NPAS2: variants seen among roughly 807,000 people sequenced by gnomAD.
The protein encoded by NPAS2 is neuronal PAS domain protein 2, also known as neuronal PAS domain-containing protein 2.
Under a neutral mutation model 107.5 loss-of-function variants are expected in NPAS2, and 23 were observed. That is an observed-to-expected ratio of 0.21 (90% CI 0.15 to 0.30). The LOEUF (loss-of-function observed/expected upper bound fraction) is 0.30, where lower values mean the gene tolerates loss of function less well. NPAS2 is among the 10% of genes least tolerant of loss of function. The pLI is 1.00. For missense variants in NPAS2, 756 were observed against 1,043.3 expected (o/e 0.72, Z 3.79); for synonymous variants, 403 against 417.5 (o/e 0.97, Z 0.42).
At chr2:100,938,368 T>C (rs1245098191) in intron 5 of NPAS2, among the ~76,000 whole-genome samples, 2 of 152,072 alleles carry the variant, frequency 1.3e-5, no homozygotes, top group African/African-American at 2.4e-5. Flanking sequence ...ACTGATGTCT[T>C]GGAAGACCTT....
At chr2:100,894,541 A>G (rs968111700) in intron 1 of NPAS2, among the ~76,000 whole-genome samples, 4 of 152,192 alleles carry the variant, frequency 2.6e-5, no homozygotes, top group African/African-American at 9.7e-5. Flanking sequence ...AGCCGCGGGC[A>G]CACAGGCTCA....
At chr2:100,963,386 TTTTG>T (rs1558916296) in intron 7 of NPAS2, among the ~76,000 whole-genome samples, 1 of 151,538 alleles carries the variant, frequency 6.6e-6, no homozygotes, top group African/African-American at 2.4e-5. Flanking sequence ...CTTCTCTTTT[TTTTG>T]TTTGTTTTGT....
chr2:100,896,742 G>A (rs17024936), intron 1 of NPAS2, among the ~76,000 whole-genome samples: 8,315 of 152,262 alleles, frequency 0.055, 734 homozygotes, highest in African/African-American at 0.19. Context: ...ATCATGGGGA[G>A]GTTTGTGGGA....
At chr2:100,924,111 A>G (rs1683412647) in intron 2 of NPAS2, among the ~76,000 whole-genome samples, 1 of 152,162 alleles carries the variant, frequency 6.6e-6, no homozygotes, top group African/African-American at 2.4e-5. Context: ...TTTTAGGCTC[A>G]CAGACAAACT....
chr2:100,938,079 G>A (rs1684450253), intron 5 of NPAS2, among the ~76,000 whole-genome samples: 1 of 152,234 alleles, frequency 6.6e-6, no homozygotes, highest in South Asian at 2.1e-4. Context: ...AAGGCCTGGA[G>A]TGGGAGCTGT....
intron 20 of NPAS2, chr2:100,993,732 G>A (rs1345849079): frequency 1.4e-5 from 6 of 438,450 alleles, no homozygotes; most frequent in African/African-American, 2.0e-5. Context: ...ATGAAATTAC[G>A]AGTCGGCTAT....
rs375990137 is a variant in NPAS2 at position 100,956,363 on chromosome 2, C to G, written c.598+6883C>G. Among the ~76,000 whole-genome samples, 6 of 152,242 alleles carry G rather than the reference C, an allele frequency of 3.9e-5. No homozygotes were observed. In the South Asian group the frequency reaches 8.3e-4, roughly 21 times the overall value. On this transcript the variant is annotated intron_variant, in intron 7 of 20. Transcript: ENST00000335681. ...CTCAGCCTTCACCCCCTCCTTCCTT[C>G]CTCCCTCCAGCCTCCAGCAGCCCCC...
chr2:100,868,240 T>C (rs1679369446), intron 1 of NPAS2, among the ~76,000 whole-genome samples: 1 of 152,240 alleles, frequency 6.6e-6, no homozygotes, highest in Non-Finnish European at 1.5e-5. Context: ...TTATCAATTG[T>C]TGAAAGATAG....
chr2:100,937,634 G>A (rs1684410855), intron 4 of NPAS2, 119 bp from the exon 5 acceptor site: 2 of 776,902 alleles, frequency 2.6e-6, no homozygotes, highest in East Asian at 2.5e-5. Context: ...GTTATTCATG[G>A]AAATATTCTG....
intron 1 of NPAS2, chr2:100,821,142 C>G (rs1372969748): frequency 7.7e-7 from 1 of 1,304,648 alleles, no homozygotes; most frequent in African/African-American, 1.5e-5. Context: ...ACAGGCACCA[C>G]CCGGCTAAAT....
chr2:100,822,019 GA>G (rs761144955), intron 1 of NPAS2, among the ~76,000 whole-genome samples: 1 of 152,190 alleles, frequency 6.6e-6, no homozygotes, highest in African/African-American at 2.4e-5. Flanking sequence ...GAGAGATGTG[GA>G]GTATGGCTTA....
intron 1 of NPAS2, among the ~76,000 whole-genome samples, chr2:100,877,743 C>A (rs961765035): frequency 6.6e-6 from 1 of 152,114 alleles, no homozygotes; most frequent in Non-Finnish European, 1.5e-5. Flanking sequence ...TTGAATATGG[C>A]GTGACTCATC....
intron 1 of NPAS2, among the ~76,000 whole-genome samples, chr2:100,853,194 G>T (rs149083485): frequency 1.3e-5 from 2 of 152,272 alleles, no homozygotes; most frequent in African/African-American, 4.8e-5. Flanking sequence ...ACACCAGAAG[G>T]CTCCTCTCAG....
intron 1 of NPAS2, among the ~76,000 whole-genome samples, chr2:100,829,119 G>A (rs1041091470): frequency 2.0e-5 from 3 of 151,200 alleles, no homozygotes; most frequent in African/African-American, 7.3e-5. Flanking sequence ...CACCTCTTTG[G>A]TTAGCTGTAT....
At chr2:100,991,992 G>A (rs970380018) in intron 19 of NPAS2, among the ~76,000 whole-genome samples, 1 of 152,214 alleles carries the variant, frequency 6.6e-6, no homozygotes, top group Admixed American at 6.5e-5. Context: ...TTGGTCACAG[G>A]AGGGTAAGGA....
intron 2 of NPAS2, among the ~76,000 whole-genome samples, chr2:100,907,533 C>T (rs11897841): frequency 0.026 from 3,934 of 148,576 alleles, 110 homozygotes; most frequent in African/African-American, 0.068. Context: ...CCCCTAAGAT[C>T]GTATTCTTTT....
intron 2 of NPAS2, among the ~76,000 whole-genome samples, chr2:100,922,360 T>C (rs1196137394): frequency 6.6e-5 from 10 of 152,022 alleles, no homozygotes; most frequent in African/African-American, 2.2e-4. Flanking sequence ...GGCTGGTGGA[T>C]CACCTGAGGT....
chr2:100,988,661 TTTAACCA>T, intron 17 of NPAS2: 1 of 326,352 alleles, frequency 3.1e-6, no homozygotes, highest in South Asian at 2.5e-5. Context: ...CTACTCTGGT[TTTAACCA>T]TTACCCACAT....
intron 10 of NPAS2, among the ~76,000 whole-genome samples, chr2:100,967,776 A>C (rs1398236834): frequency 6.6e-6 from 1 of 152,208 alleles, no homozygotes; most frequent in East Asian, 1.9e-4. Context: ...GGAAGGGGGA[A>C]GCCTGGGGTG....
Sources: allele counts gnomAD v4.1 joint callset (sites outside exome capture counted in the v4.1 genomes callset), GRCh38; gene constraint gnomAD v4.1.1; transcripts MANE v1.5; gene names NCBI Gene and HGNC (gene_info 2026-07-23, HGNC 2026-07-21).